VNN1: variants seen among roughly 807,000 people sequenced by gnomAD.
VNN1 encodes vanin 1, also known as pantetheinase.
In VNN1, 29 loss-of-function variants were observed where a neutral mutation model predicts 41.9. That is an observed-to-expected ratio of 0.69 (90% CI 0.52 to 0.94). The LOEUF (loss-of-function observed/expected upper bound fraction) is 0.94. Ranked by LOEUF, VNN1 falls within the 40% of genes least tolerant of loss-of-function variation. The pLI is 0.00. For synonymous variants in VNN1, 233 were observed against 224.4 expected (o/e 1.04, Z -0.34); for missense variants, 637 against 621.1 (o/e 1.03, Z -0.27).
At chr6:132,697,111 AT>A (rs1439152801) in intron 2 of VNN1, among the ~76,000 whole-genome samples, 1 of 118,636 alleles carries the variant, frequency 8.4e-6, no homozygotes, top group African/African-American at 3.9e-5. Flanking sequence ...TCTCAAAAAA[AT>A]AAAAAGTTTA....
At chr6:132,702,419 C>A (rs1268006754) in intron 2 of VNN1, among the ~76,000 whole-genome samples, 1 of 152,162 alleles carries the variant, frequency 6.6e-6, no homozygotes, top group Non-Finnish European at 1.5e-5. Flanking sequence ...GTGCCAAAAA[C>A]GTTGGGGACA....
At chr6:132,700,421 C>A (rs1778434782) in intron 2 of VNN1, among the ~76,000 whole-genome samples, 1 of 152,198 alleles carries the variant, frequency 6.6e-6, no homozygotes, top group Non-Finnish European at 1.5e-5. Context: ...TGGCAGCAGG[C>A]TGGCCACATG....
rs1227597430 is a variant in VNN1 at position 132,692,568 on chromosome 6, T to G, written c.843A>C (p.Ala281=). The G allele has an allele frequency of 6.3e-7, 1 of 1,576,646 alleles. No homozygotes were observed. The highest frequency in any genetic ancestry group is 8.6e-7 in the Non-Finnish European group (1 of 1,167,966). The part of the protein sequence containing the change: ...SKKMTGSGIY[A]PNSSRAFHYD... ...AATGAAATGCTCTTGAAGAATTGGG[T>G]GCATAGATGCCACTTCCTGGAAGTA... is the stretch of plus-strand genomic sequence containing the variant. The change falls in exon 5 of 7, where the codon GCA becomes GCC. Residue 281 remains alanine (A), a synonymous_variant. Transcript: ENST00000367928.
rs182499415 is a variant in VNN1, at chr6:132,713,877, C to T, written c.159G>A (p.Met53Ile). ...PVSREEALALMNRNLDILEGA... is the reference protein window; with the variant it reads ...PVSREEALALINRNLDILEGA... ...CTTCCAAAATGTCCAGATTCCGATT[C>T]ATTAATGCCAAAGCCTCCTCACGAG... The change falls in exon 1 of 7, where the codon ATG becomes ATA. Residue 53 changes from methionine to isoleucine, a missense_variant. Met to Ile is a conservative substitution (Grantham distance 10). Coordinates refer to ENST00000367928, the MANE Select transcript of VNN1 (RefSeq NM_004666.3). 14 of 1,613,750 alleles carry T rather than the reference C, an allele frequency of 8.7e-6. No individual in the cohort carries two copies. Among genetic ancestry groups the T allele is most frequent in the Middle Eastern group, 1.7e-4 (1 of 5,732 alleles).
chr6:132,702,509 G>T (rs74658049), intron 2 of VNN1, among the ~76,000 whole-genome samples: 1 of 152,194 alleles, frequency 6.6e-6, no homozygotes, highest in African/African-American at 2.4e-5. Flanking sequence ...GCCTTGGAGC[G>T]CACATAACCT....
chr6:132,695,589 C>T (rs1355937181), intron 2 of VNN1, among the ~76,000 whole-genome samples: 1 of 152,188 alleles, frequency 6.6e-6, no homozygotes, highest in Admixed American at 6.6e-5. Flanking sequence ...ACAGACACAC[C>T]ATTTTTGCAG....
At chr6:132,710,990 A>T (rs1217828373) in intron 2 of VNN1, among the ~76,000 whole-genome samples, 1 of 152,242 alleles carries the variant, frequency 6.6e-6, no homozygotes, top group Non-Finnish European at 1.5e-5. Context: ...TCCCACCAAC[A>T]GTGTAAAAGA....
chr6:132,707,579 C>CA (rs1778537491), intron 2 of VNN1, among the ~76,000 whole-genome samples: 1 of 152,074 alleles, frequency 6.6e-6, no homozygotes, highest in Non-Finnish European at 1.5e-5. Context: ...TATTCAGCTA[C>CA]AAAAAGAATG....
rs148127174 is a variant in VNN1, at chr6:132,694,004, C to T, written c.520G>A (p.Ala174Thr). 1.2e-6 allele frequency: 2 copies of T among 1,614,114 alleles called. No individual in the cohort carries two copies. Among genetic ancestry groups the T allele is most frequent in the Non-Finnish European group, 1.7e-6 (2 of 1,179,994 alleles). The change falls in exon 3 of 7, where the codon GCA becomes ACA. Residue 174 changes from alanine to threonine, a missense_variant. Physicochemically the swap from Ala to Thr is moderately conservative, Grantham distance 58 (BLOSUM62 0). Coordinates refer to ENST00000367928, the MANE Select transcript of VNN1 (RefSeq NM_004666.3). ...VVFDSQGKLV[A>T]RYHKQNLFMG... ...ATTAATTTTACCTTATGGTAGCGTG[C>T]CACCAGTTTTCCTTGAGAATCAAAT... is the stretch of plus-strand genomic sequence containing the variant.
chr6:132,697,330 A>G (rs977974149), intron 2 of VNN1, among the ~76,000 whole-genome samples: 1 of 152,112 alleles, frequency 6.6e-6, no homozygotes, highest in African/African-American at 2.4e-5. Context: ...GTACTGGAAC[A>G]GTGAGAGACT....
At chr6:132,693,901 G>T in intron 3 of VNN1, 89 bp downstream of exon 3, 2 of 1,453,016 alleles carry the variant, frequency 1.4e-6, no homozygotes, top group Non-Finnish European at 1.9e-6. Context: ...TCTAAAGTGT[G>T]CTTATCATTA....
At chr6:132,685,553 A>G (rs1043511870) in intron 5 of VNN1, among the ~76,000 whole-genome samples, 3 of 152,174 alleles carry the variant, frequency 2.0e-5, no homozygotes, top group Non-Finnish European at 2.9e-5. Context: ...ATAGACCACA[A>G]CACAGTTTTA....
chr6:132,684,313 G>T, intron 6 of VNN1, 22 bp downstream of exon 6: 1 of 1,597,252 alleles, frequency 6.3e-7, no homozygotes, highest in South Asian at 1.1e-5. Context: ...GAAACTAATT[G>T]GCAATATTCG....
intron 2 of VNN1, among the ~76,000 whole-genome samples, chr6:132,707,262 A>G (rs1300406581): frequency 4.6e-5 from 7 of 151,704 alleles, no homozygotes; most frequent in Admixed American, 4.6e-4. Context: ...GTACAATTAT[A>G]TCATCTCACA....
intron 2 of VNN1, among the ~76,000 whole-genome samples, chr6:132,699,991 A>T (rs1778428091): frequency 1.3e-5 from 2 of 152,218 alleles, no homozygotes; most frequent in Admixed American, 1.3e-4. Context: ...TTTATTACAC[A>T]TCTTGCTGTG....
chr6:132,686,754 A>G (rs1045461182), intron 5 of VNN1, among the ~76,000 whole-genome samples: 1 of 152,220 alleles, frequency 6.6e-6, no homozygotes, highest in Non-Finnish European at 1.5e-5. Context: ...ATGAAAAAGC[A>G]AATAAAAAAG....
Position 132,713,967 on chromosome 6 carries a change from G to T in VNN1, c.69C>A (p.Asp23Glu). ...GCTCATAAACAGCTGCAGTGAAAGT[G>T]TCCTGGCAGCTGGCTCTTGAGACAT... is the stretch of plus-strand genomic sequence containing the variant. ...LFYVSRASCQ[D>E]TFTAAVYEHA... Residue 23 changes from aspartate to glutamate, a missense_variant, in exon 1 of 7, where the codon GAC (aspartate) becomes GAA (glutamate). Physicochemically the swap from Asp to Glu is conservative, Grantham distance 45. Transcript: ENST00000367928. 1 of 1,614,182 alleles carries T rather than the reference G, an allele frequency of 6.2e-7. No homozygotes were observed. Among genetic ancestry groups the T allele is most frequent in the Non-Finnish European group, 8.5e-7 (1 of 1,180,036 alleles).
chr6:132,682,425 T>G lies in VNN1; in HGVS notation c.*715A>C, dbSNP rs1224615775. 3 of 153,118 alleles carry G rather than the reference T, an allele frequency of 2.0e-5. No individual in the cohort carries two copies. Among genetic ancestry groups the G allele is most frequent in the Non-Finnish European group, 4.4e-5 (3 of 68,822 alleles). The allele number at this position is 153,118 out of a possible 1,614,324, so 9.5% of individuals were successfully genotyped here. The stretch of plus-strand genomic sequence containing the variant: ...TTCTCATAGTTTTGGAGGCTGGAAG[T>G]CCAAGATCAAGGTGTTGGCAGGGTT... On this transcript the variant is annotated 3_prime_UTR_variant, in exon 7 of 7. Transcript: ENST00000367928.
Position 132,713,981 on chromosome 6 carries a change from C to CTCT in VNN1, c.52_54dup (p.Arg18dup). 6.2e-7 allele frequency: 1 copy of CTCT among 1,614,146 alleles called. No individual in the cohort carries two copies. The highest frequency in any genetic ancestry group is 8.5e-7 in the Non-Finnish European group (1 of 1,180,022). On this transcript the variant is annotated inframe_insertion, in exon 1 of 7. Transcript: ENST00000367928. ...GCAGTGAAAGTGTCCTGGCAGCTGG[C>CTCT]TCTTGAGACATAGAAAAGCAAAATT...
Sources: gnomAD v4.1 joint callset for allele counts (sites outside exome capture counted in the v4.1 genomes callset) on GRCh38, gnomAD v4.1.1 for gene constraint, MANE v1.5 for transcripts, NCBI Gene and HGNC (gene_info 2026-07-23, HGNC 2026-07-21) for gene names.